The following NRCAM variants were observed in gnomAD, a reference collection of about 807,000 sequenced individuals.
NRCAM encodes NgCAM-related cell adhesion molecule.
A neutral mutation model predicts 156.5 loss-of-function variants in NRCAM; 83 were observed. That is an observed-to-expected ratio of 0.53 (90% CI 0.44 to 0.64). The LOEUF is 0.64. Among genes scored for constraint, NRCAM ranks in the 30% least tolerant of loss-of-function variants. The pLI is 0.00. For synonymous variants in NRCAM, 538 were observed against 563.9 expected (o/e 0.95, Z 0.65); for missense variants, 1,417 against 1,597.3 (o/e 0.89, Z 1.92).
intron 3 of NRCAM, among the ~76,000 whole-genome samples, chr7:108,266,803 C>T (rs2097123677): frequency 6.6e-6 from 1 of 152,186 alleles, no homozygotes; most frequent in African/African-American, 2.4e-5. Flanking sequence ...CCCACCACAT[C>T]CACTTACGAT....
intron 2 of NRCAM, among the ~76,000 whole-genome samples, chr7:108,353,574 A>G (rs1322450615): frequency 6.6e-6 from 1 of 152,068 alleles, no homozygotes; most frequent in African/African-American, 2.4e-5. Flanking sequence ...TCCCGCTTCA[A>G]CCTTCTGAAG....
chr7:108,347,916 C>T (rs1050204979), intron 2 of NRCAM, among the ~76,000 whole-genome samples: 2 of 152,148 alleles, frequency 1.3e-5, no homozygotes, highest in South Asian at 4.1e-4. Context: ...TCTGCCTAAA[C>T]CCGCCTCCTC....
intron 3 of NRCAM, among the ~76,000 whole-genome samples, chr7:108,259,036 T>C (rs2096790291): frequency 6.6e-6 from 1 of 152,226 alleles, no homozygotes; most frequent in Admixed American, 6.5e-5. Context: ...ACAATTTGAG[T>C]GCCCAACAGC....
At chr7:108,217,047 T>TACAAAGACCAAA (rs768596701) in intron 11 of NRCAM, among the ~76,000 whole-genome samples, 1 of 152,040 alleles carries the variant, frequency 6.6e-6, no homozygotes, top group Non-Finnish European at 1.5e-5. Flanking sequence ...CTCATCTTTG[T>TACAAAGACCAAA]GGATTTATCT....
intron 1 of NRCAM, among the ~76,000 whole-genome samples, chr7:108,436,156 A>AT (rs1315104962): frequency 1.3e-5 from 2 of 152,112 alleles, no homozygotes; most frequent in Non-Finnish European, 2.9e-5. Context: ...AAATAAATAA[A>AT]AAATAATTCG....
intron 2 of NRCAM, among the ~76,000 whole-genome samples, chr7:108,314,781 C>T (rs1333410280): frequency 2.6e-5 from 4 of 152,108 alleles, no homozygotes; most frequent in Admixed American, 1.3e-4. Flanking sequence ...GAATTCATAA[C>T]ATTCAATGCA....
intron 28 of NRCAM, among the ~76,000 whole-genome samples, chr7:108,172,360 C>T (rs1023169697): frequency 6.6e-6 from 1 of 152,080 alleles, no homozygotes; most frequent in Non-Finnish European, 1.5e-5. Flanking sequence ...CTCAGTGCAG[C>T]CTCCAGCTCA....
intron 2 of NRCAM, among the ~76,000 whole-genome samples, chr7:108,351,986 TG>T (rs2099416030): frequency 6.6e-6 from 1 of 152,184 alleles, no homozygotes; most frequent in African/African-American, 2.4e-5. Context: ...CTTAGGGCCT[TG>T]GGGACCCCTC....
chr7:108,375,862 G>A (rs1319504038), intron 2 of NRCAM, among the ~76,000 whole-genome samples: 1 of 152,104 alleles, frequency 6.6e-6, no homozygotes, highest in Non-Finnish European at 1.5e-5. Context: ...AATAGCTAAA[G>A]GACAAAAGAA....
chr7:108,179,966 T>C (rs975846998), intron 25 of NRCAM, among the ~76,000 whole-genome samples: 1 of 152,136 alleles, frequency 6.6e-6, no homozygotes, highest in African/African-American at 2.4e-5. Context: ...TTTCAGACAG[T>C]GTGTGTGGAG....
intron 2 of NRCAM, among the ~76,000 whole-genome samples, chr7:108,331,177 T>C (rs1016149): frequency 1.3e-5 from 2 of 151,812 alleles, no homozygotes; most frequent in East Asian, 1.9e-4. Flanking sequence ...GGCAGAAAGA[T>C]TGCTTGAGCC....
chr7:108,395,835 T>C (rs553427213), intron 2 of NRCAM, among the ~76,000 whole-genome samples: 20 of 152,270 alleles, frequency 1.3e-4, no homozygotes, highest in African/African-American at 2.4e-4. Flanking sequence ...CCTTTACCCA[T>C]GGTAAGATAG....
chr7:108,428,796 G>A (rs917208241), intron 1 of NRCAM, among the ~76,000 whole-genome samples: 8 of 151,730 alleles, frequency 5.3e-5, no homozygotes, highest in African/African-American at 7.3e-5. Flanking sequence ...ATCTTACTTC[G>A]TTTGCACTTA....
chr7:108,252,099 G>T (rs1338192076), intron 3 of NRCAM, among the ~76,000 whole-genome samples: 27 of 152,120 alleles, frequency 1.8e-4, no homozygotes, highest in Admixed American at 1.7e-3. Flanking sequence ...TGAGACCAAG[G>T]GATGTGGGAG....
intron 11 of NRCAM, among the ~76,000 whole-genome samples, chr7:108,209,867 T>C (rs1465598724): frequency 6.6e-6 from 1 of 152,214 alleles, no homozygotes; most frequent in East Asian, 1.9e-4. Context: ...GTTGCTTTAC[T>C]GATGGGGCCT....
intron 3 of NRCAM, among the ~76,000 whole-genome samples, chr7:108,252,143 A>G (rs1406977870): frequency 6.6e-6 from 1 of 152,212 alleles, no homozygotes; most frequent in Non-Finnish European, 1.5e-5. Context: ...AGCTGGATAG[A>G]ATAACTGCAT....
chr7:108,445,006 G>A (rs1008171243), intron 1 of NRCAM, among the ~76,000 whole-genome samples: 8 of 152,152 alleles, frequency 5.3e-5, no homozygotes, highest in African/African-American at 1.7e-4. Context: ...CACACTGCAT[G>A]TATCTCCCTT....
At chr7:108,229,926 A>G (rs1316013197) in intron 8 of NRCAM, among the ~76,000 whole-genome samples, 1 of 152,188 alleles carries the variant, frequency 6.6e-6, no homozygotes, top group African/African-American at 2.4e-5. Context: ...TAGCTTCATT[A>G]TATCTGCCTC....
chr7:108,300,850 A>G (rs2098595321), intron 3 of NRCAM, among the ~76,000 whole-genome samples: 2 of 152,168 alleles, frequency 1.3e-5, no homozygotes, highest in South Asian at 2.1e-4. Context: ...ATACAACTCA[A>G]TAACAGAAAG....
Sources: allele counts gnomAD v4.1 joint callset (sites outside exome capture counted in the v4.1 genomes callset), GRCh38; gene constraint gnomAD v4.1.1; transcripts MANE v1.5; gene names NCBI Gene and HGNC (gene_info 2026-07-23, HGNC 2026-07-21).